The following NR4A3 variants were observed in gnomAD, a reference collection of about 807,000 sequenced individuals.
NR4A3 encodes chondrosarcoma, extraskeletal myxoid, fused to EWS.
In NR4A3, 13 loss-of-function variants were observed where a neutral mutation model predicts 55.6. The observed-to-expected ratio is 0.23, with a 90% CI of 0.15 to 0.37. NR4A3 has a LOEUF of 0.37. Among genes scored for constraint, NR4A3 ranks in the 10% least tolerant of loss-of-function variants. NR4A3 has a pLI of 1.00. For synonymous variants in NR4A3, 342 were observed against 357.9 expected (o/e 0.96, Z 0.50); for missense variants, 646 against 822.8 (o/e 0.79, Z 2.63).
rs59274273 is a variant in NR4A3, at chr9:99,862,549, C to CAA, written c.1634-1038_1634-1037dup. 7.6e-3 allele frequency among the ~76,000 whole-genome samples: 552 copies of CAA among 72,736 alleles called. 53 individuals are homozygous for CAA. Among genetic ancestry groups the CAA allele is most frequent in the South Asian group, 0.022 (27 of 1,242 alleles). The allele number at this position is 72,736 out of a possible 152,430, so 47.7% of individuals were successfully genotyped here. On this transcript the variant is annotated intron_variant, in intron 7 of 7. Transcript: ENST00000395097. The stretch of plus-strand genomic sequence containing the variant: ...TAGGCAACAGAGTAAGACTCTGTCT[C>CAA]AAAAAAAAAAAAAAAAAAAAAAAAA...
intron 7 of NR4A3, among the ~76,000 whole-genome samples, chr9:99,859,307 A>G (rs1827974147): frequency 6.6e-6 from 1 of 152,192 alleles, no homozygotes; most frequent in South Asian, 2.1e-4. Context: ...AAGCTACAAG[A>G]AGAAAGGAGA....
intron 2 of NR4A3, among the ~76,000 whole-genome samples, chr9:99,826,421 A>T (rs1827296027): frequency 6.6e-6 from 1 of 152,216 alleles, no homozygotes; most frequent in African/African-American, 2.4e-5. Context: ...AATAGAATAC[A>T]ATCCCAGCAA....
chr9:99,828,820 G>C lies in NR4A3; in HGVS notation c.778G>C (p.Gly260Arg). The C allele has an allele frequency of 6.8e-7, 1 of 1,473,836 alleles. No homozygotes were observed. The highest frequency in any genetic ancestry group is 9.0e-7 in the Non-Finnish European group (1 of 1,116,516). 91.3% of individuals were successfully genotyped at this position (1,473,836 alleles called of 1,614,324 possible). The change falls in exon 3 of 8, where the codon GGC becomes CGC. Residue 260 changes from glycine to arginine, a missense_variant. Gly to Arg is a moderately radical substitution (Grantham distance 125, BLOSUM62 -2). Around this residue, in one of 5 missense-constraint regions of NR4A3, gnomAD observed 426 missense variants for 429.4 expected, o/e 0.99. Coordinates refer to ENST00000395097, the MANE Select transcript of NR4A3 (RefSeq NM_006981.4). The surrounding 1 kb of genome is among the most constrained non-coding windows in gnomAD (Gnocchi z 7.7). ...GGCCCCGCTGGCCTTCCCGCCTCTC[G>C]GCCTCACGCCCTCCCCTACCGCGTC... The part of the protein sequence containing the change: ...RAAPLAFPPL[G>R]LTPSPTASSL...
At position 99,866,476 on chromosome 9, in the gene NR4A3, A is replaced by C. The variant is rs1313863149; in HGVS notation, c.*2609A>C. ...AATAGGTCCAGATATGAGTGCTAAA[A>C]ATAAAGATGATAGCATGTTCTTCTG... On this transcript the variant is annotated 3_prime_UTR_variant, in exon 8 of 8. Transcript: ENST00000395097. The C allele has an allele frequency of 4.4e-6, 1 of 227,694 alleles. No individual in the cohort carries two copies. The highest frequency in any genetic ancestry group is 8.7e-6 in the Non-Finnish European group (1 of 114,416). 14.1% of individuals were successfully genotyped at this position (227,694 alleles called of 1,614,324 possible).
At chr9:99,862,742 G>A (rs1395357615) in intron 7 of NR4A3, among the ~76,000 whole-genome samples, 3 of 151,936 alleles carry the variant, frequency 2.0e-5, no homozygotes, top group African/African-American at 4.8e-5. Flanking sequence ...GTGACTTTGG[G>A]AAATTCATTT....
At chr9:99,834,023 G>T in intron 5 of NR4A3, 1 of 1,099,852 alleles carries the variant, frequency 9.1e-7, no homozygotes, top group Non-Finnish European at 1.1e-6. Flanking sequence ...GCTCTCTCCT[G>T]CCTACAGTGG....
chr9:99,858,603 C>G (rs532569514), intron 7 of NR4A3, among the ~76,000 whole-genome samples: 1 of 152,332 alleles, frequency 6.6e-6, no homozygotes, highest in South Asian at 2.1e-4. Flanking sequence ...TATAGAAAAG[C>G]TAGTTCATCT....
At chr9:99,847,652 T>C (rs1444933168) in intron 7 of NR4A3, 37 bp downstream of exon 7, 2 of 1,596,826 alleles carry the variant, frequency 1.3e-6, no homozygotes, top group East Asian at 4.5e-5. Flanking sequence ...TCCTCATTTC[T>C]CTCCTTCCCT....
At chr9:99,831,127 C>T (rs1408706455) in intron 3 of NR4A3, among the ~76,000 whole-genome samples, 1 of 152,198 alleles carries the variant, frequency 6.6e-6, no homozygotes, top group Non-Finnish European at 1.5e-5. Context: ...CCATAATGAT[C>T]TCTCCCTGTC....
At chr9:99,826,063 A>G (rs1266113016) in intron 2 of NR4A3, among the ~76,000 whole-genome samples, 1 of 152,190 alleles carries the variant, frequency 6.6e-6, no homozygotes, top group East Asian at 1.9e-4. Context: ...CTCAAAATTA[A>G]TTTTCCTAAG....
intron 7 of NR4A3, among the ~76,000 whole-genome samples, chr9:99,860,984 A>G (rs898352728): frequency 1.3e-5 from 2 of 152,266 alleles, no homozygotes; most frequent in Non-Finnish European, 2.9e-5. Context: ...CACAGGAATA[A>G]TAACAGCAAA....
chr9:99,832,556 T>C, intron 3 of NR4A3, 133 bp from the exon 4 acceptor site: 1 of 695,380 alleles, frequency 1.4e-6, no homozygotes, highest in Admixed American at 3.8e-5. Context: ...CAGGCTAGCG[T>C]TTTAGGAAAT....
chr9:99,862,534 A>G (rs1828023772), intron 7 of NR4A3, among the ~76,000 whole-genome samples: 1 of 132,280 alleles, frequency 7.6e-6, no homozygotes, highest in Admixed American at 8.4e-5. Flanking sequence ...TAGGCAACAG[A>G]GTAAGACTCT....
rs1268466526 is a variant in NR4A3, at chr9:99,864,685, T to C, written c.*818T>C. 2 of 227,596 alleles carry C rather than the reference T, an allele frequency of 8.8e-6. No individual in the cohort carries two copies. The highest frequency in any genetic ancestry group is 1.8e-5 in the Non-Finnish European group (2 of 114,222). The allele number at this position is 227,596 out of a possible 1,614,324, so 14.1% of individuals were successfully genotyped here. ...TGGAACCAGATCCCTGCCCTGACTGTCCAGCTATCCTGAAAGTGGATCAGA... is the reference window on the plus strand; with the variant it reads ...TGGAACCAGATCCCTGCCCTGACTGCCCAGCTATCCTGAAAGTGGATCAGA... On this transcript the variant is annotated 3_prime_UTR_variant, in exon 8 of 8. Transcript: ENST00000395097.
At chr9:99,851,770 C>A (rs1827854516) in intron 7 of NR4A3, among the ~76,000 whole-genome samples, 1 of 152,186 alleles carries the variant, frequency 6.6e-6, no homozygotes, top group South Asian at 2.1e-4. Context: ...AATGCAAGTG[C>A]TTTGAATCTG....
rs1183137163 is a variant in NR4A3, at chr9:99,827,174, C to T, written c.-2-867C>T. 4.6e-5 allele frequency among the ~76,000 whole-genome samples: 7 copies of T among 152,058 alleles called. No homozygotes were observed. The South Asian group carries it at 1.2e-3, about 27-fold the overall frequency. ...CTAGTGTCATAAGGAAATACCTATA[C>T]TAACTTGCCTATTATGATAGTTATA... On this transcript the variant is annotated intron_variant, in intron 2 of 7. Coordinates refer to ENST00000395097, the MANE Select transcript of NR4A3 (RefSeq NM_006981.4).
intron 7 of NR4A3, among the ~76,000 whole-genome samples, chr9:99,861,361 A>T (rs542460638): frequency 6.6e-6 from 1 of 152,324 alleles, no homozygotes; most frequent in African/African-American, 2.4e-5. Context: ...CTCTACTAAA[A>T]ATACAAAAAT....
At chr9:99,840,693 A>G (rs1464232528) in intron 5 of NR4A3, among the ~76,000 whole-genome samples, 4 of 152,150 alleles carry the variant, frequency 2.6e-5, no homozygotes, top group African/African-American at 9.7e-5. Context: ...CTAGAACTGC[A>G]CAGCAAGTCA....
At chr9:99,859,222 A>AG (rs757978525) in intron 7 of NR4A3, among the ~76,000 whole-genome samples, 17 of 152,200 alleles carry the variant, frequency 1.1e-4, no homozygotes, top group Non-Finnish European at 2.2e-4. Context: ...TTCTCTAGGA[A>AG]GGGGGATAGT....
Sources: gnomAD v4.1 joint callset for allele counts (sites outside exome capture counted in the v4.1 genomes callset) on GRCh38, gnomAD v4.1.1 for gene constraint, gnomAD v4.1.1 regional missense constraint, Gnocchi (gnomAD v3.1) non-coding constraint, MANE v1.5 for transcripts, NCBI Gene and HGNC (gene_info 2026-07-23, HGNC 2026-07-21) for gene names.